ZNF484: variants seen among roughly 807,000 people sequenced by gnomAD.
ZNF484 encodes the protein KRAB box containing C2H2 type zinc finger bA526D8.4.
In ZNF484, 11 loss-of-function variants were observed where a neutral mutation model predicts 12.9. That is an observed-to-expected ratio of 0.85 (90% CI 0.54 to 1.41). ZNF484 has a LOEUF of 1.41. ZNF484 is among the 40% of genes most tolerant of loss of function. The pLI is 0.00. For missense variants in ZNF484, 807 were observed against 1,007.7 expected (o/e 0.80, Z 2.70); for synonymous variants, 289 against 334.1 (o/e 0.86, Z 1.47).
rs748655007 is a variant in ZNF484 at position 92,847,918 on chromosome 9, T to C, written c.869A>G (p.Gln290Arg). 21 of 1,614,242 alleles carry C rather than the reference T, an allele frequency of 1.3e-5. No individual in the cohort carries two copies. The South Asian group carries it at 2.3e-4, about 18-fold the overall frequency. The change falls in exon 5 of 5, where the codon CAG becomes CGG. Residue 290 changes from glutamine (Q) to arginine (R), a missense_variant. Transcript: ENST00000375495. ...ECHECEAVFT[Q>R]KSQLDGSQRV... ...CTGACTGCCATCAAGCTGGGACTTC[T>C]GAGTGAAGACTGCCTCACATTCATG...
At chr9:92,875,148 A>G in intron 1 of ZNF484, 89 bp from the exon 2 acceptor site, 1 of 1,094,660 alleles carries the variant, frequency 9.1e-7, no homozygotes, top group South Asian at 1.7e-5. Flanking sequence ...GTGCCCTTGC[A>G]CCTTACTCAA....
chr9:92,845,862 T>C lies in ZNF484; in HGVS notation c.*366A>G, dbSNP rs912206487. On this transcript the variant is annotated 3_prime_UTR_variant, in exon 5 of 5. Coordinates refer to ENST00000375495, the MANE Select transcript of ZNF484 (RefSeq NM_031486.4). The surrounding 1 kb of genome is among the most constrained non-coding windows in gnomAD (Gnocchi z 4.0). ...TTTCACAAAAACTGCTGATTCACTT[T>C]CATTATAGACCTAAATTGCCCTCTC... 5.7e-6 allele frequency: 1 copy of C among 174,560 alleles called. No individual in the cohort carries two copies. The highest frequency in any genetic ancestry group is 2.4e-5 in the African/African-American group (1 of 42,234). 10.8% of individuals were successfully genotyped at this position (174,560 alleles called of 1,614,324 possible). A position where few individuals can be genotyped will look rare whatever the true frequency, so the allele number is the denominator to read the frequency against.
At position 92,861,690 on chromosome 9, in the gene ZNF484, G is replaced by C. The variant is rs140087855; in HGVS notation, c.16-5372C>G. Among the ~76,000 whole-genome samples the C allele has an allele frequency of 1.6e-3, 238 of 152,222 alleles. 2 individuals carry two copies. The highest frequency in any genetic ancestry group is 6.8e-3 in the Middle Eastern group (2 of 294). On this transcript the variant is annotated intron_variant, in intron 2 of 4. Coordinates refer to ENST00000375495, the MANE Select transcript of ZNF484 (RefSeq NM_031486.4). ...CTGTATTCAGCCTAAGGGACCCAGCGGGACAATAACAGAACAGCCAACAAT... is the reference window on the plus strand; with the variant it reads ...CTGTATTCAGCCTAAGGGACCCAGCCGGACAATAACAGAACAGCCAACAAT...
At position 92,848,163 on chromosome 9, in the gene ZNF484, ACCAT is replaced by A; in HGVS notation, c.620_623del (p.Asp207ValfsTer7). ...GAGAATTCAAATGAGTGAAAATATCACCATCTCCAATAGTCTTATCAGAATTTTC... is the reference window on the plus strand; with the variant it reads ...GAGAATTCAAATGAGTGAAAATATCACTCCAATAGTCTTATCAGAATTTTC... On this transcript the variant is annotated frameshift_variant, in exon 5 of 5. Coordinates refer to ENST00000375495, the MANE Select transcript of ZNF484 (RefSeq NM_031486.4). LOFTEE classifies it low-confidence loss of function (END_TRUNC). The surrounding 1 kb of genome is among the most constrained non-coding windows in gnomAD (Gnocchi z 4.1). The A allele has an allele frequency of 6.2e-7, 1 of 1,614,114 alleles. No individual in the cohort carries two copies. The highest frequency in any genetic ancestry group is 1.6e-4 in the Middle Eastern group (1 of 6,062).
At chr9:92,868,407 G>A (rs1857237826) in intron 2 of ZNF484, among the ~76,000 whole-genome samples, 3 of 152,200 alleles carry the variant, frequency 2.0e-5, no homozygotes, top group Non-Finnish European at 2.9e-5. Context: ...GGAGCTGTAT[G>A]ATCTTGGGCA....
intron 4 of ZNF484, among the ~76,000 whole-genome samples, chr9:92,854,340 C>T (rs1307038749): frequency 6.6e-6 from 1 of 152,148 alleles, no homozygotes; most frequent in African/African-American, 2.4e-5. Context: ...CACAGCCAAT[C>T]TGGAAAATAA....
intron 2 of ZNF484, among the ~76,000 whole-genome samples, chr9:92,857,968 G>C (rs1407623444): frequency 6.6e-6 from 1 of 152,128 alleles, no homozygotes; most frequent in Non-Finnish European, 1.5e-5. Context: ...TGTTGCCCAG[G>C]CTGGTCTGGG....
At chr9:92,858,560 C>T (rs555517330) in intron 2 of ZNF484, among the ~76,000 whole-genome samples, 15 of 152,086 alleles carry the variant, frequency 9.9e-5, no homozygotes, top group African/African-American at 3.6e-4. Flanking sequence ...AAAACAGTAA[C>T]AGTACTATTC....
Position 92,848,097 on chromosome 9 carries a change from T to C in ZNF484, c.690A>G (p.Lys230=). The change falls in exon 5 of 5, where the codon AAA becomes AAG. Residue 230 remains lysine, a synonymous_variant. Transcript: ENST00000375495. The surrounding 1 kb of genome is among the most constrained non-coding windows in gnomAD (Gnocchi z 4.1). The stretch of plus-strand genomic sequence containing the variant: ...TGAGAGCTTGCTTATGATGCAGAGG[T>C]TTCCCACATTGGTTACATTCACAAG... ...VTACECNQCG[K]PLHHKQALIQ... is the part of the protein sequence containing the mutation. 3.1e-6 allele frequency: 5 copies of C among 1,614,126 alleles called. No homozygotes were observed. Among genetic ancestry groups the C allele is most frequent in the Non-Finnish European group, 4.2e-6 (5 of 1,180,032 alleles).
intron 2 of ZNF484, among the ~76,000 whole-genome samples, chr9:92,857,592 C>T (rs1033928260): frequency 1.3e-5 from 2 of 152,112 alleles, no homozygotes; most frequent in African/African-American, 4.8e-5. Flanking sequence ...CAAAAGGGCT[C>T]TCAGCTGAAA....
In ZNF484 at chr9:92,845,973, A is replaced by C. The variant is rs1035725305; in HGVS notation, c.*255T>G. The C allele has an allele frequency of 8.4e-6, 4 of 475,154 alleles. No individual in the cohort carries two copies. Among genetic ancestry groups the C allele is most frequent in the South Asian group, 6.2e-5 (2 of 32,330 alleles). 29.4% of individuals were successfully genotyped at this position (475,154 alleles called of 1,614,324 possible). ...ACTCATTATGAATTTTTGCGGGTCA[A>C]TATTGAATAGTTGTGGTACCCAGAA... On this transcript the variant is annotated 3_prime_UTR_variant, in exon 5 of 5. Coordinates refer to ENST00000375495, the MANE Select transcript of ZNF484 (RefSeq NM_031486.4). This position sits in a 1 kb window ranked among gnomAD's most constrained non-coding sequence, Gnocchi z 4.0.
In ZNF484 at chr9:92,846,237, A is replaced by C. The variant is rs367674493; in HGVS notation, c.2550T>G (p.Ser850=). ...ATGTTCATAATTCTAACTAGATAGAAGAAAGTTGGCCTTGGTCACCTTCTG... is the reference window on the plus strand; with the variant it reads ...ATGTTCATAATTCTAACTAGATAGACGAAAGTTGGCCTTGGTCACCTTCTG... ...GDSEGDQGQL[S]SI Residue 850 remains serine, a synonymous_variant, in exon 5 of 5, where the codon TCT becomes TCG. Coordinates refer to ENST00000375495, the MANE Select transcript of ZNF484 (RefSeq NM_031486.4). The C allele has an allele frequency of 1.9e-6, 3 of 1,612,730 alleles. No homozygotes were observed. Among genetic ancestry groups the C allele is most frequent in the Non-Finnish European group, 2.5e-6 (3 of 1,179,378 alleles).
chr9:92,864,708 T>C (rs1856967320), intron 2 of ZNF484, among the ~76,000 whole-genome samples: 1 of 152,006 alleles, frequency 6.6e-6, no homozygotes, highest in Non-Finnish European at 1.5e-5. Flanking sequence ...TGAATGACAA[T>C]CTAAAATACA....
Position 92,846,376 on chromosome 9 carries a change from T to C in ZNF484, c.2411A>G (p.Tyr804Cys), listed in dbSNP as rs144795971. ...GGCTTTCCCCAAGTCACTGCACTTATAGGGTTTCTGTTTAGTATGAATTTT... is the reference window on the plus strand; with the variant it reads ...GGCTTTCCCCAAGTCACTGCACTTACAGGGTTTCTGTTTAGTATGAATTTT... ...HQKIHTKQKP[Y>C]KCSDLGKALN... is the part of the protein sequence containing the mutation. Residue 804 changes from tyrosine to cysteine, a missense_variant, in exon 5 of 5, where the codon TAT (tyrosine) becomes TGT (cysteine). Physicochemically the swap from Tyr to Cys is radical, Grantham distance 194. Transcript: ENST00000375495. 0.022 allele frequency: 36,307 copies of C among 1,614,182 alleles called. 539 individuals are homozygous for C. The highest frequency in any genetic ancestry group is 0.038 in the South Asian group (3,447 of 91,086).
At chr9:92,865,633 G>A (rs2118118851) in intron 2 of ZNF484, among the ~76,000 whole-genome samples, 1 of 152,292 alleles carries the variant, frequency 6.6e-6, no homozygotes, top group East Asian at 1.9e-4. Context: ...GGGGCCAGGT[G>A]CAGTGGCTCA....
intron 4 of ZNF484, among the ~76,000 whole-genome samples, chr9:92,854,950 A>G (rs111569530): frequency 5.9e-5 from 9 of 152,328 alleles, no homozygotes; most frequent in African/African-American, 2.2e-4. Flanking sequence ...TAACAATGCC[A>G]ACAACTCAGA....
At chr9:92,854,818 A>G (rs1383067837) in intron 4 of ZNF484, among the ~76,000 whole-genome samples, 3 of 152,174 alleles carry the variant, frequency 2.0e-5, no homozygotes, top group East Asian at 3.8e-4. Flanking sequence ...GACAAGTAAA[A>G]TGGGGTATAT....
chr9:92,846,442 C>G lies in ZNF484; in HGVS notation c.2345G>C (p.Gly782Ala). ...GEKPYICAEC[G>A]KAFTIRSNLI... ...ATTTGATCTGATGGTGAAGGCCTTT[C>G]CACACTCAGCACATATATATGGTTT... is the stretch of plus-strand genomic sequence containing the variant. Residue 782 changes from glycine (G) to alanine (A), a missense_variant, in exon 5 of 5, where the codon GGA becomes GCA. Transcript: ENST00000375495. 1 of 1,614,102 alleles carries G rather than the reference C, an allele frequency of 6.2e-7. No homozygotes were observed. Among genetic ancestry groups the G allele is most frequent in the Non-Finnish European group, 8.5e-7 (1 of 1,179,982 alleles).
In ZNF484 at chr9:92,846,172, C is replaced by T; in HGVS notation, c.*56G>A. Reference sequence around the variant, plus strand: ...ATTGCTTAAACACTCTCAAAAGTGTCTCCCCATATGTGTAACTACACATCA... The same window carrying T: ...ATTGCTTAAACACTCTCAAAAGTGTTTCCCCATATGTGTAACTACACATCA... On this transcript the variant is annotated 3_prime_UTR_variant, in exon 5 of 5. Coordinates refer to ENST00000375495, the MANE Select transcript of ZNF484 (RefSeq NM_031486.4). The T allele has an allele frequency of 6.5e-6, 10 of 1,535,878 alleles. No individual in the cohort carries two copies. Among genetic ancestry groups the T allele is most frequent in the Non-Finnish European group, 8.8e-6 (10 of 1,139,674 alleles).
Sources: gnomAD v4.1 joint callset for allele counts (sites outside exome capture counted in the v4.1 genomes callset) on GRCh38, gnomAD v4.1.1 for gene constraint, Gnocchi (gnomAD v3.1) non-coding constraint, MANE v1.5 for transcripts, NCBI Gene and HGNC (gene_info 2026-07-23, HGNC 2026-07-21) for gene names.